Variants in CACNA2D3 observed in about 807,000 individuals in gnomAD.
The protein encoded by CACNA2D3 is calcium voltage-gated channel auxiliary subunit alpha2delta 3, also known as voltage-dependent calcium channel subunit alpha-2/delta-3.
In CACNA2D3, 60 loss-of-function variants were observed where a neutral mutation model predicts 160.6. The observed-to-expected ratio is 0.37, with a 90% CI of 0.30 to 0.46. The LOEUF (loss-of-function observed/expected upper bound fraction) is 0.46. CACNA2D3 is among the 20% of genes least tolerant of loss of function. The pLI, the probability that CACNA2D3 is intolerant of heterozygous loss-of-function variation, is 1.00. For synonymous variants in CACNA2D3, 558 were observed against 492.9 expected (o/e 1.13, Z -1.75); for missense variants, 1,205 against 1,365.0 (o/e 0.88, Z 1.85).
At chr3:54,491,760 C>G (rs1271786885) in intron 4 of CACNA2D3, among the ~76,000 whole-genome samples, 2 of 152,128 alleles carry the variant, frequency 1.3e-5, no homozygotes, top group African/African-American at 4.8e-5. Context: ...TGAATGTTGC[C>G]ACAGAGACTG....
chr3:54,945,475 C>T (rs1364406861), intron 27 of CACNA2D3, among the ~76,000 whole-genome samples: 2 of 152,186 alleles, frequency 1.3e-5, no homozygotes, highest in Non-Finnish European at 2.9e-5. Context: ...ATGAGTGTCT[C>T]CAGAGCAAGA....
In CACNA2D3 at chr3:55,009,494, T is replaced by C. The variant is rs1008938548; in HGVS notation, c.2875+51T>C. 6.0e-6 allele frequency: 9 copies of C among 1,494,024 alleles called. No homozygotes were observed. In the African/African-American group the frequency reaches 1.1e-4, roughly 18 times the overall value. 92.5% of individuals were successfully genotyped at this position (1,494,024 alleles called of 1,614,324 possible). A position where few individuals can be genotyped will look rare whatever the true frequency, so the allele number is the denominator to read the frequency against. ...CCAGCTTGGAGGGATAAGCGCTGGG[T>C]TCACTGGCTACTTTTCATCAGGGAT... On this transcript the variant is annotated intron_variant, in intron 34 of 37. Transcript: ENST00000474759.
intron 27 of CACNA2D3, among the ~76,000 whole-genome samples, chr3:54,952,460 G>C (rs1004296198): frequency 1.3e-5 from 2 of 152,180 alleles, no homozygotes. Context: ...TCAGTTCACA[G>C]ATGTGGGAAA....
chr3:54,837,942 G>A (rs970913903), intron 15 of CACNA2D3, among the ~76,000 whole-genome samples: 1 of 152,078 alleles, frequency 6.6e-6, no homozygotes, highest in Non-Finnish European at 1.5e-5. Context: ...GGTTCTGGGT[G>A]GACATGAACT....
At position 54,351,201 on chromosome 3, in the gene CACNA2D3, C is replaced by T. The variant is rs150506432; in HGVS notation, c.321+30643C>T. 3.6e-3 allele frequency among the ~76,000 whole-genome samples: 550 copies of T among 151,686 alleles called. 4 individuals are homozygous for T. The highest frequency in any genetic ancestry group is 0.013 in the African/African-American group (526 of 41,326). ...TACCGCATGTTGGCCAGGCTGGTCT[C>T]GAACTCCTGACCTCGAGTGATCTGC... On this transcript the variant is annotated intron_variant, in intron 3 of 37. Transcript: ENST00000474759.
At chr3:54,610,716 G>A (rs116124802) in intron 9 of CACNA2D3, among the ~76,000 whole-genome samples, 73 of 151,826 alleles carry the variant, frequency 4.8e-4, no homozygotes, top group African/African-American at 1.7e-3. Flanking sequence ...TGTAACCACC[G>A]CCTCCCAGAT....
chr3:54,618,381 A>ATG lies in CACNA2D3; in HGVS notation c.964-9406_964-9405insTG, dbSNP rs1244173135. Among the ~76,000 whole-genome samples, 665 of 140,170 alleles carry ATG rather than the reference A, an allele frequency of 4.7e-3. 2 individuals carry two copies. The highest frequency in any genetic ancestry group is 0.019 in the Middle Eastern group (5 of 266). The allele number at this position is 140,170 out of a possible 152,430, so 92.0% of individuals were successfully genotyped here. ...TATATATATATATATATATGCACAC[A>ATG]CACACACACACACACACACACACAC... is the stretch of plus-strand genomic sequence containing the variant. On this transcript the variant is annotated intron_variant, in intron 9 of 37. Transcript: ENST00000474759.
chr3:55,038,582 T>C (rs757538890), intron 35 of CACNA2D3, among the ~76,000 whole-genome samples: 4 of 152,104 alleles, frequency 2.6e-5, no homozygotes, highest in Middle Eastern at 3.2e-3. Flanking sequence ...AACACTGTTA[T>C]TCCTTGTTCC....
intron 2 of CACNA2D3, among the ~76,000 whole-genome samples, chr3:54,144,729 G>T (rs1699994839): frequency 6.6e-6 from 1 of 152,180 alleles, no homozygotes; most frequent in African/African-American, 2.4e-5. Flanking sequence ...GTTTTAGTTT[G>T]CTAAGGGAAA....
chr3:54,323,987 CA>C (rs903007057), intron 3 of CACNA2D3, among the ~76,000 whole-genome samples: 6 of 152,136 alleles, frequency 3.9e-5, no homozygotes, highest in African/African-American at 1.4e-4. Context: ...GGTTCACAAA[CA>C]ACCCTGATTT....
chr3:54,537,797 A>G (rs1052791470), intron 5 of CACNA2D3, among the ~76,000 whole-genome samples: 1 of 152,098 alleles, frequency 6.6e-6, no homozygotes, highest in South Asian at 2.1e-4. Flanking sequence ...AATGCTTGGG[A>G]AGCATACCAG....
intron 29 of CACNA2D3, among the ~76,000 whole-genome samples, chr3:54,974,270 G>T (rs1702335242): frequency 6.6e-6 from 1 of 152,186 alleles, no homozygotes; most frequent in African/African-American, 2.4e-5. Context: ...GACTTACTAT[G>T]CACTAGGTAC....
In CACNA2D3 at chr3:54,866,472, A is replaced by G. The variant is rs958804508; in HGVS notation, c.1627-5067A>G. On this transcript the variant is annotated intron_variant, in intron 17 of 37. Coordinates refer to ENST00000474759, the MANE Select transcript of CACNA2D3 (RefSeq NM_018398.3). ...GGCTGTCAGCCCTCGGTCACACCCC[A>G]TGTCCAGATGGCATTAGCTTTGGGC... Among the ~76,000 whole-genome samples the G allele has an allele frequency of 2.6e-5, 4 of 152,254 alleles. No individual in the cohort carries two copies. In the East Asian group the frequency reaches 7.8e-4, roughly 30 times the overall value.
intron 3 of CACNA2D3, among the ~76,000 whole-genome samples, chr3:54,373,493 A>C (rs1221888525): frequency 6.6e-6 from 1 of 152,178 alleles, no homozygotes; most frequent in Non-Finnish European, 1.5e-5. Context: ...CTTTTTAAGA[A>C]AGCATGCCTA....
chr3:54,246,177 C>G (rs1338554097), intron 2 of CACNA2D3, among the ~76,000 whole-genome samples: 1 of 152,150 alleles, frequency 6.6e-6, no homozygotes, highest in Admixed American at 6.5e-5. Flanking sequence ...GAAAAATATT[C>G]CCTGAGTTCT....
At chr3:54,778,589 T>C (rs1451034093) in intron 13 of CACNA2D3, among the ~76,000 whole-genome samples, 1 of 152,196 alleles carries the variant, frequency 6.6e-6, no homozygotes, top group Non-Finnish European at 1.5e-5. Context: ...CTTGTACTAT[T>C]ATATTAAGAA....
At chr3:54,833,209 T>G (rs150760429) in intron 14 of CACNA2D3, among the ~76,000 whole-genome samples, 28 of 152,318 alleles carry the variant, frequency 1.8e-4, no homozygotes, top group Non-Finnish European at 3.7e-4. Flanking sequence ...GCATGGGAAA[T>G]GAAGGATATG....
chr3:54,294,781 T>C (rs76177409), intron 2 of CACNA2D3, among the ~76,000 whole-genome samples: 3,073 of 152,284 alleles, frequency 0.02, 95 homozygotes, highest in African/African-American at 0.069. Flanking sequence ...TTGCCTGGAC[T>C]GCAGAGGAAG....
intron 4 of CACNA2D3, 101 bp from the exon 5 acceptor site, chr3:54,503,391 C>T: frequency 2.0e-6 from 2 of 984,420 alleles, no homozygotes; most frequent in Non-Finnish European, 3.2e-6. Context: ...AGATCAGGGT[C>T]CACAGTGTAA....
Sources: allele counts gnomAD v4.1 joint callset (sites outside exome capture counted in the v4.1 genomes callset), GRCh38; gene constraint gnomAD v4.1.1; transcripts MANE v1.5; gene names NCBI Gene and HGNC (gene_info 2026-07-23, HGNC 2026-07-21).